Variants in FOXL3 observed in about 807,000 individuals in gnomAD.
FOXL3 encodes the protein forkhead box L3.
Under a neutral mutation model 10.9 loss-of-function variants are expected in FOXL3, and 16 were observed. The ratio of observed to expected loss-of-function variants is 1.46; its 90% CI spans 0.99 to 2.22. FOXL3 has a LOEUF of 2.22. Among genes scored for constraint, FOXL3 ranks in the 30% most tolerant of loss-of-function variants. FOXL3 has a pLI of 0.00. For synonymous variants in FOXL3, 170 were observed against 152.0 expected (o/e 1.12, Z -0.87); for missense variants, 400 against 337.9 (o/e 1.18, Z -1.44).
chr7:291,485 G>A lies in FOXL3; in HGVS notation c.699G>A (p.Met233Ile). ...LENVGLHFWT[M>I] ...ACGTGGGACTCCACTTTTGGACAAT[G>A]TGATGTGGAGCCACCCTGGAGGCCC... Residue 233 changes from methionine (M) to isoleucine (I), a missense_variant, in exon 3 of 3, where the codon ATG (methionine) becomes ATA (isoleucine). By Grantham distance (10) the Met-to-Ile change is conservative. Coordinates refer to ENST00000506382, the MANE Select transcript of FOXL3 (RefSeq NM_001374838.1). 4.1e-6 allele frequency: 5 copies of A among 1,233,882 alleles called. No homozygotes were observed. The South Asian group carries it at 2.0e-4, about 49-fold the overall frequency. The allele number at this position is 1,233,882 out of a possible 1,614,324, so 76.4% of individuals were successfully genotyped here.
Position 291,215 on chromosome 7 carries a change from C to A in FOXL3, c.429C>A (p.Arg143=). The A allele has an allele frequency of 8.6e-7, 1 of 1,163,710 alleles. No individual in the cohort carries two copies. Among genetic ancestry groups the A allele is most frequent in the Non-Finnish European group, 1.1e-6 (1 of 945,958 alleles). The allele number at this position is 1,163,710 out of a possible 1,614,324, so 72.1% of individuals were successfully genotyped here. The change falls in exon 3 of 3, where the codon CGC becomes CGA. Residue 143 remains arginine, a synonymous_variant. Coordinates refer to ENST00000506382, the MANE Select transcript of FOXL3 (RefSeq NM_001374838.1). ...AGCGCGAGGGGCCGAGGGGTCCGCG[C>A]GCGGGGGGCGCCCAGGGGCCGTCGG... is the stretch of plus-strand genomic sequence containing the variant. ...GPKREGPRGP[R]AGGAQGPSGP... is the part of the protein sequence containing the mutation.
At chr7:290,958 C>A in intron 2 of FOXL3, 105 bp from the exon 3 acceptor site, 1 of 1,272,006 alleles carries the variant, frequency 7.9e-7, no homozygotes, top group Non-Finnish European at 1.0e-6. Context: ...CCTCCACCTG[C>A]GCAGTGCGCC....
Position 290,669 on chromosome 7 carries a change from G to A in FOXL3, c.124G>A (p.Ala42Thr). Residue 42 changes from alanine (A) to threonine (T), a missense_variant, in exon 2 of 3, where the codon GCC becomes ACC. By Grantham distance (58) the Ala-to-Thr change is moderately conservative. Transcript: ENST00000506382. Reference sequence around the variant, plus strand: ...GCTCCGCAGCTACATCGCCTTGATCGCCATGGCCATTCAGCAGAGCCCCGC... The same window carrying A: ...GCTCCGCAGCTACATCGCCTTGATCACCATGGCCATTCAGCAGAGCCCCGC... The part of the protein sequence containing the change: ...RPAYSYIALI[A>T]MAIQQSPAGR... The A allele has an allele frequency of 7.0e-6, 10 of 1,427,200 alleles. No homozygotes were observed. The highest frequency in any genetic ancestry group is 9.1e-6 in the Non-Finnish European group (10 of 1,095,274). The allele number at this position is 1,427,200 out of a possible 1,614,324, so 88.4% of individuals were successfully genotyped here.
intron 1 of FOXL3, 115 bp from the exon 2 acceptor site, chr7:290,538 C>G: frequency 1.8e-6 from 2 of 1,113,416 alleles, no homozygotes; most frequent in Admixed American, 2.9e-5. Flanking sequence ...TGCGGGGACA[C>G]TTTCCCCAAC....
chr7:291,420 C>A lies in FOXL3; in HGVS notation c.634C>A (p.Pro212Thr). The change falls in exon 3 of 3, where the codon CCC (proline) becomes ACC (threonine). Residue 212 changes from proline to threonine, a missense_variant. Pro to Thr is a conservative substitution (Grantham distance 38). Transcript: ENST00000506382. ...SPDPFPGLKP[P>T]CLAQEGRYPR... is the part of the protein sequence containing the mutation. ...AGACCCCTTCCCTGGGCTCAAGCCG[C>A]CCTGCCTCGCACAAGAGGGCAGATA... 1.6e-6 allele frequency: 2 copies of A among 1,261,072 alleles called. No individual in the cohort carries two copies. The highest frequency in any genetic ancestry group is 2.0e-6 in the Non-Finnish European group (2 of 1,002,244). The allele number at this position is 1,261,072 out of a possible 1,614,324, so 78.1% of individuals were successfully genotyped here. A position where few individuals can be genotyped will look rare whatever the true frequency, so the allele number is the denominator to read the frequency against.
chr7:290,390 C>T (rs966458737), intron 1 of FOXL3, 114 bp downstream of exon 1: 15 of 928,964 alleles, frequency 1.6e-5, no homozygotes, highest in South Asian at 2.9e-5. Flanking sequence ...TTCTTCTCTC[C>T]GGCGGCGGAG....
At chr7:290,606 C>G in intron 1 of FOXL3, 47 bp from the exon 2 acceptor site, 1 of 1,407,474 alleles carries the variant, frequency 7.1e-7, no homozygotes, top group South Asian at 1.6e-5. Context: ...GGGGGAAGGA[C>G]GGGGGGCTGC....
In FOXL3 at chr7:290,713, C is replaced by G. The variant is rs1315357704; in HGVS notation, c.168C>G (p.Ser56=). ...QQSPAGRVTL[S]GIYDFIMRKF... ...GCCCCGCGGGGAGGGTGACCCTGTC[C>G]GGCATCTACGACTTCATCATGCGCA... The change falls in exon 2 of 3, where the codon TCC becomes TCG. Residue 56 remains serine (S), a synonymous_variant. Transcript: ENST00000506382. 4.1e-6 allele frequency: 6 copies of G among 1,475,626 alleles called. No individual in the cohort carries two copies. The highest frequency in any genetic ancestry group is 4.9e-5 in the Admixed American group (2 of 41,094). 91.4% of individuals were successfully genotyped at this position (1,475,626 alleles called of 1,614,324 possible).
intron 2 of FOXL3, 52 bp from the exon 3 acceptor site, chr7:291,011 C>T: frequency 7.5e-7 from 1 of 1,328,736 alleles, no homozygotes; most frequent in Non-Finnish European, 9.6e-7. Context: ...ACAAGGCGGG[C>T]GGGCGCACCG....
rs990677017 is a variant in FOXL3, at chr7:291,400, C to A, written c.614C>A (p.Pro205His). 7.8e-7 allele frequency: 1 copy of A among 1,282,586 alleles called. No homozygotes were observed. Among genetic ancestry groups the A allele is most frequent in the Non-Finnish European group, 9.9e-7 (1 of 1,012,692 alleles). The allele number at this position is 1,282,586 out of a possible 1,614,324, so 79.5% of individuals were successfully genotyped here. A position where few individuals can be genotyped will look rare whatever the true frequency, so the allele number is the denominator to read the frequency against. ...SIDYILSSPDPFPGLKPPCLA... is the reference protein window; with the variant it reads ...SIDYILSSPDHFPGLKPPCLA... The stretch of plus-strand genomic sequence containing the variant: ...GACTACATCCTGTCCTCCCCAGACC[C>A]CTTCCCTGGGCTCAAGCCGCCCTGC... Residue 205 changes from proline (P) to histidine (H), a missense_variant, in exon 3 of 3, where the codon CCC (proline) becomes CAC (histidine). Transcript: ENST00000506382.
chr7:291,363 A>G lies in FOXL3; in HGVS notation c.577A>G (p.Lys193Glu). 1 of 1,315,538 alleles carries G rather than the reference A, an allele frequency of 7.6e-7. No individual in the cohort carries two copies. The highest frequency in any genetic ancestry group is 9.7e-7 in the Non-Finnish European group (1 of 1,031,684). 81.5% of individuals were successfully genotyped at this position (1,315,538 alleles called of 1,614,324 possible). Residue 193 changes from lysine to glutamate, a missense_variant, in exon 3 of 3, where the codon AAG becomes GAG. Lys to Glu is a moderately conservative substitution (Grantham distance 56). Coordinates refer to ENST00000506382, the MANE Select transcript of FOXL3 (RefSeq NM_001374838.1). ...PPGKEHPRDL[K>E]FSIDYILSSP... ...GGGGAAGGAGCACCCCCGGGACCTC[A>G]AGTTCAGCATCGACTACATCCTGTC...
chr7:290,840 G>C lies in FOXL3; in HGVS notation c.276+19G>C. 1 of 1,406,440 alleles carries C rather than the reference G, an allele frequency of 7.1e-7. No individual in the cohort carries two copies. Among genetic ancestry groups the C allele is most frequent in the Non-Finnish European group, 9.2e-7 (1 of 1,083,056 alleles). 87.1% of individuals were successfully genotyped at this position (1,406,440 alleles called of 1,614,324 possible). A position where few individuals can be genotyped will look rare whatever the true frequency, so the allele number is the denominator to read the frequency against. On this transcript the variant is annotated intron_variant, in intron 2 of 2. Transcript: ENST00000506382. The stretch of plus-strand genomic sequence containing the variant: ...CGTCAAGGTGAGCGCCGCCCCCGAC[G>C]GGCCCCGGGTGTCCCAGCGTGGCGA...
rs1314855446 is a variant in FOXL3, at chr7:290,284, CG to C, written c.107+13del. The C allele has an allele frequency of 2.6e-6, 4 of 1,532,922 alleles. No individual in the cohort carries two copies. The highest frequency in any genetic ancestry group is 2.4e-5 in the South Asian group (2 of 83,980). 95.0% of individuals were successfully genotyped at this position (1,532,922 alleles called of 1,614,324 possible). ...CACGCGGCCCGCGTACAGGTGACTG[CG>C]GGGGCGGTGCTGGGGCTTTGGGGGA... On this transcript the variant is annotated intron_variant, in intron 1 of 2. Coordinates refer to ENST00000506382, the MANE Select transcript of FOXL3 (RefSeq NM_001374838.1).
In FOXL3 at chr7:290,656, C is replaced by T; in HGVS notation, c.111C>T (p.Tyr37=). Residue 37 remains tyrosine (Y), a synonymous_variant, in exon 2 of 3, where the codon TAC becomes TAT. Transcript: ENST00000506382. The part of the protein sequence containing the change: ...DKRLTRPAYS[Y]IALIAMAIQQ... ...GCCTGACCCCCGGGCTCCGCAGCTA[C>T]ATCGCCTTGATCGCCATGGCCATTC... The T allele has an allele frequency of 7.1e-7, 1 of 1,418,206 alleles. No homozygotes were observed. The highest frequency in any genetic ancestry group is 9.2e-7 in the Non-Finnish European group (1 of 1,090,108). 87.9% of individuals were successfully genotyped at this position (1,418,206 alleles called of 1,614,324 possible). A position where few individuals can be genotyped will look rare whatever the true frequency, so the allele number is the denominator to read the frequency against.
intron 1 of FOXL3, 148 bp downstream of exon 1, chr7:290,424 C>A: frequency 1.2e-6 from 1 of 833,790 alleles, no homozygotes; most frequent in Non-Finnish European, 1.9e-6. Context: ...CGCATTTGTC[C>A]CTACTTTGGG....
rs1778609071 is a variant in FOXL3, at chr7:290,202, C to T, written c.33C>T (p.Cys11=). The T allele has an allele frequency of 6.5e-7, 1 of 1,535,966 alleles. No homozygotes were observed. Among genetic ancestry groups the T allele is most frequent in the South Asian group, 1.2e-5 (1 of 84,060 alleles). The change falls in exon 1 of 3, where the codon TGC becomes TGT. Residue 11 remains cysteine, a synonymous_variant. Coordinates refer to ENST00000506382, the MANE Select transcript of FOXL3 (RefSeq NM_001374838.1). ...ACAGCTCGCAGTATCCCTACAACTGCTTCAATTACGACGCCGACGACTACC... is the reference window on the plus strand; with the variant it reads ...ACAGCTCGCAGTATCCCTACAACTGTTTCAATTACGACGCCGACGACTACC... MFDSSQYPYN[C]FNYDADDYPA...
chr7:290,477 G>T (rs925688761), intron 1 of FOXL3, among the ~76,000 whole-genome samples, 176 bp from the exon 2 acceptor site: 1 of 150,722 alleles, frequency 6.6e-6, no homozygotes, highest in Non-Finnish European at 1.5e-5. Context: ...AGGGGCCTCC[G>T]CAGGTCGGGA....
Position 291,238 on chromosome 7 carries a change from C to G in FOXL3, c.452C>G (p.Ser151Trp). The G allele has an allele frequency of 1.7e-6, 2 of 1,162,224 alleles. No individual in the cohort carries two copies. Among genetic ancestry groups the G allele is most frequent in the East Asian group, 8.0e-5 (2 of 25,046 alleles). 72.0% of individuals were successfully genotyped at this position (1,162,224 alleles called of 1,614,324 possible). Residue 151 changes from serine to tryptophan, a missense_variant, in exon 3 of 3, where the codon TCG (serine) becomes TGG (tryptophan). Coordinates refer to ENST00000506382, the MANE Select transcript of FOXL3 (RefSeq NM_001374838.1). ...CGCGCGGGGGGCGCCCAGGGGCCGT[C>G]GGGTCCGTCCGAGCCGCCCGCCGCT... is the stretch of plus-strand genomic sequence containing the variant. ...GPRAGGAQGPSGPSEPPAAQG... is the reference protein window; with the variant it reads ...GPRAGGAQGPWGPSEPPAAQG...
In FOXL3 at chr7:291,108, A is replaced by G. The variant is rs1169507231; in HGVS notation, c.322A>G (p.Thr108Ala). The change falls in exon 3 of 3, where the codon ACG (threonine) becomes GCG (alanine). Residue 108 changes from threonine to alanine, a missense_variant. Thr to Ala is a moderately conservative substitution (Grantham distance 58). Coordinates refer to ENST00000506382, the MANE Select transcript of FOXL3 (RefSeq NM_001374838.1). Reference protein sequence around the residue: ...GHEKGKGNYWTFAGGCESLLD... With the variant: ...GHEKGKGNYWAFAGGCESLLD... ...CGAGAAGGGCAAAGGCAACTACTGGACGTTCGCGGGCGGCTGCGAGTCGCT... is the reference window on the plus strand; with the variant it reads ...CGAGAAGGGCAAAGGCAACTACTGGGCGTTCGCGGGCGGCTGCGAGTCGCT... 4 of 1,417,804 alleles carry G rather than the reference A, an allele frequency of 2.8e-6. No homozygotes were observed. Among genetic ancestry groups the G allele is most frequent in the South Asian group, 1.4e-5 (1 of 72,754 alleles). The allele number at this position is 1,417,804 out of a possible 1,614,324, so 87.8% of individuals were successfully genotyped here. A position where few individuals can be genotyped will look rare whatever the true frequency, so the allele number is the denominator to read the frequency against.
Sources: allele counts gnomAD v4.1 joint callset (sites outside exome capture counted in the v4.1 genomes callset), GRCh38; gene constraint gnomAD v4.1.1; transcripts MANE v1.5; gene names NCBI Gene and HGNC (gene_info 2026-07-23, HGNC 2026-07-21).